Variants in BTBD8 observed in about 807,000 individuals in gnomAD.
The protein encoded by BTBD8 is BTB domain containing 8, also known as BTB/POZ domain-containing protein 8.
Under a neutral mutation model 162.9 loss-of-function variants are expected in BTBD8, and 110 were observed. The ratio of observed to expected loss-of-function variants is 0.68; its 90% confidence interval spans 0.58 to 0.79. The LOEUF (loss-of-function observed/expected upper bound fraction) is 0.79. Ranked by LOEUF, BTBD8 falls within the 30% of genes least tolerant of loss-of-function variation. The probability of loss-of-function intolerance (pLI) is 0.00; values close to 1 mark genes in which losing one functional copy is unlikely to be tolerated. For missense variants in BTBD8, 1,905 were observed against 2,085.4 expected, an observed-to-expected ratio of 0.91 and a Z score of 1.68; for synonymous variants, 667 against 716.1, an observed-to-expected ratio of 0.93 and a Z score of 1.10.
intron 4 of BTBD8, chr1:92,125,286 CAG>C (rs892028050): frequency 5.6e-6 from 1 of 179,464 alleles, no homozygotes; most frequent in Non-Finnish European, 1.2e-5. Flanking sequence ...CTGAGACACT[CAG>C]AGAGAGACAG....
In BTBD8 at chr1:92,180,969, A is replaced by G; in HGVS notation, c.3286A>G (p.Asn1096Asp). 6.4e-7 allele frequency: 1 copy of G among 1,551,764 alleles called. No homozygotes were observed. Among genetic ancestry groups the G allele is most frequent in the Non-Finnish European group, 8.7e-7 (1 of 1,147,024 alleles). The change falls in exon 17 of 18, where the codon AAT (asparagine) becomes GAT (aspartate). Residue 1096 changes from asparagine (N) to aspartate (D), a missense_variant. Transcript: ENST00000636805. The part of the protein sequence containing the change: ...STTALKYMVS[N>D]PNENSLNSNP... ...CACAGCCCTAAAATACATGGTTTCA[A>G]ATCCAAATGAAAACTCCTTGAACTC... is the stretch of plus-strand genomic sequence containing the variant.
At chr1:92,156,013 A>G (rs1431629901) in intron 9 of BTBD8, among the ~76,000 whole-genome samples, 1 of 152,180 alleles carries the variant, frequency 6.6e-6, no homozygotes, top group Non-Finnish European at 1.5e-5. Context: ...TGTTCCTGAT[A>G]TTAACTTAAA....
At position 92,156,573 on chromosome 1, in the gene BTBD8, A is replaced by G. The variant is rs140796907; in HGVS notation, c.1122+8787A>G. ...TCAGTAATGAAGCTATCAGTCCTGG[A>G]CTTTTCTTTGATGGGAGACTTTTTA... On this transcript the variant is annotated intron_variant, in intron 9 of 17. Coordinates refer to ENST00000636805, the MANE Select transcript of BTBD8 (RefSeq NM_001376131.1). 8.2e-3 allele frequency among the ~76,000 whole-genome samples: 1,252 copies of G among 152,188 alleles called. 21 individuals carry two copies. The highest frequency in any genetic ancestry group is 0.028 in the African/African-American group (1,163 of 41,530).
At chr1:92,160,744 G>T (rs1389203179) in intron 9 of BTBD8, among the ~76,000 whole-genome samples, 1 of 152,070 alleles carries the variant, frequency 6.6e-6, no homozygotes, top group Non-Finnish European at 1.5e-5. Context: ...AAGTGAAGGG[G>T]TTCTGGCAAC....
intron 17 of BTBD8, 55 bp downstream of exon 17, chr1:92,182,650 T>G: frequency 8.4e-7 from 1 of 1,192,630 alleles, no homozygotes; most frequent in Non-Finnish European, 1.1e-6. Context: ...TTATAAAATT[T>G]TAAAGTTGTA....
chr1:92,081,360 A>G (rs1039356323), intron 1 of BTBD8, among the ~76,000 whole-genome samples: 1 of 152,210 alleles, frequency 6.6e-6, no homozygotes, highest in Non-Finnish European at 1.5e-5. Flanking sequence ...GAATCCAGCT[A>G]AAGTAATTTC....
In BTBD8 at chr1:92,122,344, C is replaced by T. The variant is rs13373930; in HGVS notation, c.663-7343C>T. ...TGCAATCTCGGCTCACTGCAACCTC[C>T]GCTTCCCAGGTTCAAACGATTCTCC... is the stretch of plus-strand genomic sequence containing the variant. On this transcript the variant is annotated intron_variant, in intron 4 of 17. Transcript: ENST00000636805. Among the ~76,000 whole-genome samples, 1,272 of 151,256 alleles carry T rather than the reference C, an allele frequency of 8.4e-3. 23 individuals carry two copies. The highest frequency in any genetic ancestry group is 0.029 in the African/African-American group (1,175 of 41,148).
intron 9 of BTBD8, among the ~76,000 whole-genome samples, chr1:92,153,646 G>A (rs1437770577): frequency 2.6e-5 from 4 of 152,084 alleles, no homozygotes. Flanking sequence ...TTAGGATAAT[G>A]TCCTCAACAT....
Position 92,088,821 on chromosome 1 carries a change from A to G in BTBD8, c.273A>G (p.Thr91=), listed in dbSNP as rs771894801. 2 of 1,613,274 alleles carry G rather than the reference A, an allele frequency of 1.2e-6. No homozygotes were observed. Among genetic ancestry groups the G allele is most frequent in the East Asian group, 4.5e-5 (2 of 44,754 alleles). ...PDFYFHTIGQ[T]SNSLTNQEPI... is the part of the protein sequence containing the mutation. ...TCTATTTTCATACTATTGGACAGACATCAAATAGTTTAACAAATCAGGAGC... is the reference window on the plus strand; with the variant it reads ...TCTATTTTCATACTATTGGACAGACGTCAAATAGTTTAACAAATCAGGAGC... Residue 91 remains threonine (T), a synonymous_variant, in exon 2 of 18, where the codon ACA becomes ACG. Coordinates refer to ENST00000636805, the MANE Select transcript of BTBD8 (RefSeq NM_001376131.1).
chr1:92,167,677 A>AT (rs1266448458), intron 10 of BTBD8, among the ~76,000 whole-genome samples, 171 bp from the exon 11 acceptor site: 3 of 152,248 alleles, frequency 2.0e-5, no homozygotes, highest in Admixed American at 6.5e-5. Flanking sequence ...AAATAAATAA[A>AT]AATAAAAGCT....
chr1:92,115,095 G>T (rs1648998740), intron 4 of BTBD8: 2 of 429,126 alleles, frequency 4.7e-6, no homozygotes, highest in African/African-American at 2.0e-5. Context: ...CATGTTGGCA[G>T]TGGGGACATG....
chr1:92,155,964 T>TGGAAGTGGA (rs1650151786), intron 9 of BTBD8, among the ~76,000 whole-genome samples: 1 of 152,184 alleles, frequency 6.6e-6, no homozygotes, highest in Non-Finnish European at 1.5e-5. Flanking sequence ...CTTCCAGGAC[T>TGGAAGTGGA]ATGTTGAATG....
intron 9 of BTBD8, among the ~76,000 whole-genome samples, chr1:92,151,865 C>T (rs989490386): frequency 2.5e-4 from 38 of 152,284 alleles, no homozygotes; most frequent in Middle Eastern, 3.4e-3. Context: ...CAAGTTGCTG[C>T]AAAAGACATT....
chr1:92,096,197 G>T (rs929448943), intron 2 of BTBD8, among the ~76,000 whole-genome samples: 3 of 152,098 alleles, frequency 2.0e-5, no homozygotes, highest in African/African-American at 7.2e-5. Context: ...TCGAGCTCCT[G>T]ACCTCAAGTG....
rs202116297 is a variant in BTBD8, at chr1:92,165,520, CAG to C, written c.1123-1435_1123-1434del. Among the ~76,000 whole-genome samples, 626 of 147,878 alleles carry C rather than the reference CAG, an allele frequency of 4.2e-3. 6 individuals carry two copies. Among genetic ancestry groups the C allele is most frequent in the African/African-American group, 0.015 (593 of 39,362 alleles). On this transcript the variant is annotated intron_variant, in intron 9 of 17. Coordinates refer to ENST00000636805, the MANE Select transcript of BTBD8 (RefSeq NM_001376131.1). Reference sequence around the variant, plus strand: ...CTTCTGGACCTAAAAAAAAAAAAAACAGAGGCTGTGCAGAGTCCACATCATGC... The same window carrying C: ...CTTCTGGACCTAAAAAAAAAAAAAACAGGCTGTGCAGAGTCCACATCATGC...
intron 4 of BTBD8, among the ~76,000 whole-genome samples, chr1:92,119,947 C>G (rs1193263307): frequency 8.2e-5 from 10 of 121,782 alleles, no homozygotes; most frequent in African/African-American, 2.9e-4. Flanking sequence ...ATTGCCCAGG[C>G]TGGAGTGCAA....
In BTBD8 at chr1:92,184,572, T is replaced by C; in HGVS notation, c.*242T>C. 1 of 322,996 alleles carries C rather than the reference T, an allele frequency of 3.1e-6. No individual in the cohort carries two copies. Among genetic ancestry groups the C allele is most frequent in the East Asian group, 5.4e-5 (1 of 18,632 alleles). 20.0% of individuals were successfully genotyped at this position (322,996 alleles called of 1,614,324 possible). A position where few individuals can be genotyped will look rare whatever the true frequency, so the allele number is the denominator to read the frequency against. ...GAAGACTTATAAGGAAACCCTAGCT[T>C]CAGTTTTCCTTTCCTAGCTGATGAT... On this transcript the variant is annotated 3_prime_UTR_variant, in exon 18 of 18. Coordinates refer to ENST00000636805, the MANE Select transcript of BTBD8 (RefSeq NM_001376131.1).
In BTBD8 at chr1:92,139,273, GT is replaced by G; in HGVS notation, c.753-74del. On this transcript the variant is annotated intron_variant, in intron 5 of 17. Transcript: ENST00000636805. The stretch of plus-strand genomic sequence containing the variant: ...GATTAGAACATCATCTTGGCTCGAA[GT>G]TTATGGGAAAATAGAATGAATCATT... 2.7e-6 allele frequency: 4 copies of G among 1,471,596 alleles called. No individual in the cohort carries two copies. The South Asian group carries it at 4.1e-5, about 15-fold the overall frequency. 91.2% of individuals were successfully genotyped at this position (1,471,596 alleles called of 1,614,324 possible). A position where few individuals can be genotyped will look rare whatever the true frequency, so the allele number is the denominator to read the frequency against.
intron 7 of BTBD8, among the ~76,000 whole-genome samples, chr1:92,142,919 A>G (rs1044372956): frequency 2.6e-5 from 4 of 152,210 alleles, no homozygotes; most frequent in Non-Finnish European, 4.4e-5. Flanking sequence ...ATAGTCTTCC[A>G]TATGAATTTG....
Sources: gnomAD v4.1 joint callset for allele counts (sites outside exome capture counted in the v4.1 genomes callset) on GRCh38, gnomAD v4.1.1 for gene constraint, MANE v1.5 for transcripts, NCBI Gene and HGNC (gene_info 2026-07-23, HGNC 2026-07-21) for gene names.